The following THRB variants were observed in gnomAD, a reference collection of about 807,000 sequenced individuals.
THRB encodes the protein nuclear receptor subfamily 1 group A member 2.
A neutral mutation model predicts 47.8 loss-of-function variants in THRB; 12 were observed. The observed-to-expected ratio is 0.25, with a 90% CI of 0.16 to 0.41. THRB has a LOEUF of 0.41. THRB is among the 10% of genes least tolerant of loss of function. The probability of loss-of-function intolerance (pLI) is 1.00; values close to 1 mark genes in which losing one functional copy is unlikely to be tolerated. For synonymous variants in THRB, 218 were observed against 212.2 expected, an observed-to-expected ratio of 1.03 and a Z score of -0.24; for missense variants, 348 against 589.2, an observed-to-expected ratio of 0.59 and a Z score of 4.24.
intron 1 of THRB, among the ~76,000 whole-genome samples, chr3:24,446,522 G>A (rs1448652496): frequency 6.9e-6 from 1 of 145,020 alleles, no homozygotes; most frequent in Non-Finnish European, 1.5e-5. Flanking sequence ...CTGCTAAATT[G>A]TCATTCCATA....
chr3:24,149,676 T>C (rs1032433026), intron 6 of THRB, among the ~76,000 whole-genome samples: 2 of 152,216 alleles, frequency 1.3e-5, no homozygotes, highest in African/African-American at 2.4e-5. Flanking sequence ...TTTTGTTTTT[T>C]CTTGATTTTC....
At chr3:24,279,604 C>T (rs1008774789) in intron 3 of THRB, among the ~76,000 whole-genome samples, 1 of 150,406 alleles carries the variant, frequency 6.6e-6, no homozygotes, top group Non-Finnish European at 1.5e-5. Context: ...ACTGTGTTAG[C>T]CAGGATGGTC....
intron 1 of THRB, among the ~76,000 whole-genome samples, chr3:24,460,417 T>C (rs1560240166): frequency 6.6e-6 from 1 of 152,228 alleles, no homozygotes; most frequent in Non-Finnish European, 1.5e-5. Flanking sequence ...AGTGACAGGA[T>C]ACATTCAAAC....
chr3:24,469,475 C>A (rs2074398693), intron 1 of THRB, among the ~76,000 whole-genome samples: 1 of 152,180 alleles, frequency 6.6e-6, no homozygotes, highest in Admixed American at 6.5e-5. Context: ...AACCAGGGAA[C>A]CCTAGACAAG....
At chr3:24,471,105 C>T (rs1175695306) in intron 1 of THRB, among the ~76,000 whole-genome samples, 1 of 152,212 alleles carries the variant, frequency 6.6e-6, no homozygotes, top group Non-Finnish European at 1.5e-5. Flanking sequence ...CCCAACATTG[C>T]TACAATACTT....
At chr3:24,362,024 A>G (rs2064109638) in intron 1 of THRB, among the ~76,000 whole-genome samples, 2 of 152,122 alleles carry the variant, frequency 1.3e-5, no homozygotes, top group South Asian at 4.2e-4. Context: ...CACCAATAAT[A>G]ATAGCAGTTA....
chr3:24,339,157 T>C (rs2062456150), intron 1 of THRB, among the ~76,000 whole-genome samples: 1 of 152,134 alleles, frequency 6.6e-6, no homozygotes, highest in Non-Finnish European at 1.5e-5. Context: ...GATGCAAAAA[T>C]TGGACCTCAA....
rs62253676 is a variant in THRB, at chr3:24,193,134, A to G, written c.23-2800T>C. The stretch of plus-strand genomic sequence containing the variant: ...TGAGAACTGCAAGTTACCTCCACAT[A>G]CCTGTGGTTGGCAATAATGGTCTTC... On this transcript the variant is annotated intron_variant, in intron 4 of 10. Transcript: ENST00000646209. 5.8e-3 allele frequency among the ~76,000 whole-genome samples: 880 copies of G among 152,270 alleles called. 7 individuals are homozygous for G. Among genetic ancestry groups the G allele is most frequent in the South Asian group, 0.043 (205 of 4,814 alleles).
At chr3:24,437,837 C>G (rs1299453433) in intron 1 of THRB, among the ~76,000 whole-genome samples, 1 of 151,908 alleles carries the variant, frequency 6.6e-6, no homozygotes, top group Non-Finnish European at 1.5e-5. Context: ...TTTCCCTTCT[C>G]TGAACTCCTA....
At chr3:24,272,711 T>A (rs1278085289) in intron 3 of THRB, among the ~76,000 whole-genome samples, 1 of 152,188 alleles carries the variant, frequency 6.6e-6, no homozygotes, top group Non-Finnish European at 1.5e-5. Context: ...TTACACTAGT[T>A]TCTTTTTTGA....
At chr3:24,361,405 A>G (rs952187575) in intron 1 of THRB, among the ~76,000 whole-genome samples, 19 of 152,178 alleles carry the variant, frequency 1.2e-4, no homozygotes, top group Admixed American at 3.9e-4. Context: ...GAAGTCTTGG[A>G]GAATGAATAA....
At chr3:24,270,381 CAT>C (rs1487343307) in intron 3 of THRB, among the ~76,000 whole-genome samples, 3 of 152,172 alleles carry the variant, frequency 2.0e-5, no homozygotes, top group Admixed American at 6.5e-5. Flanking sequence ...AAATGAAAAA[CAT>C]GTGTCAGGTC....
At chr3:24,371,799 T>C (rs2064937850) in intron 1 of THRB, among the ~76,000 whole-genome samples, 1 of 152,150 alleles carries the variant, frequency 6.6e-6, no homozygotes, top group Non-Finnish European at 1.5e-5. Context: ...TTTTCTTATA[T>C]TAGTCTATAG....
intron 4 of THRB, among the ~76,000 whole-genome samples, chr3:24,214,056 C>T (rs1312578801): frequency 6.6e-6 from 1 of 152,166 alleles, no homozygotes; most frequent in Non-Finnish European, 1.5e-5. Flanking sequence ...TGAATACTGA[C>T]ATAAGTAATG....
chr3:24,175,885 C>A (rs1333607748), intron 5 of THRB, among the ~76,000 whole-genome samples: 1 of 150,200 alleles, frequency 6.7e-6, no homozygotes, highest in Non-Finnish European at 1.5e-5. Context: ...TCTTACTGTA[C>A]ATAATTACAA....
At chr3:24,381,590 T>C (rs548783483) in intron 1 of THRB, among the ~76,000 whole-genome samples, 7 of 152,318 alleles carry the variant, frequency 4.6e-5, no homozygotes, top group African/African-American at 1.7e-4. Flanking sequence ...CTCCAACTTA[T>C]AGAATAATTT....
intron 1 of THRB, among the ~76,000 whole-genome samples, chr3:24,404,642 A>G (rs1171433853): frequency 1.3e-5 from 2 of 151,872 alleles, no homozygotes; most frequent in Non-Finnish European, 2.9e-5. Flanking sequence ...GTCATGAAAA[A>G]TGTTATTTAT....
intron 3 of THRB, among the ~76,000 whole-genome samples, chr3:24,281,816 CA>C (rs1373346371): frequency 1.3e-5 from 2 of 150,608 alleles, no homozygotes; most frequent in Non-Finnish European, 3.0e-5. Flanking sequence ...TTTAAACCAA[CA>C]AAGATCAAAA....
chr3:24,490,859 A>G (rs1185378946), intron 1 of THRB, among the ~76,000 whole-genome samples: 1 of 152,204 alleles, frequency 6.6e-6, no homozygotes, highest in African/African-American at 2.4e-5. Flanking sequence ...ATAGTAGCTC[A>G]GGCCCCCAAC....
Sources: gnomAD v4.1 joint callset for allele counts (sites outside exome capture counted in the v4.1 genomes callset) on GRCh38, gnomAD v4.1.1 for gene constraint, MANE v1.5 for transcripts, NCBI Gene and HGNC (gene_info 2026-07-23, HGNC 2026-07-21) for gene names.